DOCK3: variants seen among roughly 807,000 people sequenced by gnomAD.
DOCK3 encodes dedicator of cytokinesis protein 3.
DOCK3 carries 60 observed loss-of-function variants against 265.6 expected under a neutral mutation model. The observed-to-expected ratio is 0.23, with a 90% CI of 0.18 to 0.28. DOCK3 has a LOEUF of 0.28. DOCK3 is among the 10% of genes least tolerant of loss of function. The pLI is 1.00. For missense variants in DOCK3, 1,981 were observed against 2,594.3 expected (o/e 0.76, Z 5.14); for synonymous variants, 881 against 938.0 (o/e 0.94, Z 1.11).
chr3:51,359,684 G>A lies in DOCK3; in HGVS notation c.4885-827G>A, dbSNP rs978511927. Among the ~76,000 whole-genome samples, 2 of 152,192 alleles carry A rather than the reference G, an allele frequency of 1.3e-5. No individual in the cohort carries two copies. The highest frequency in any genetic ancestry group is 1.9e-4 in the East Asian group (1 of 5,200). On this transcript the variant is annotated intron_variant, in intron 46 of 52. Coordinates refer to ENST00000266037, the MANE Select transcript of DOCK3 (RefSeq NM_004947.5). This position sits in a 1 kb window ranked among gnomAD's most constrained non-coding sequence, Gnocchi z 4.8. Reference sequence around the variant, plus strand: ...CAAAACACTTTCCTATATACATCACGTTCTTCCGTGTGCACACATAGCCTT... The same window carrying A: ...CAAAACACTTTCCTATATACATCACATTCTTCCGTGTGCACACATAGCCTT...
intron 52 of DOCK3, 81 bp downstream of exon 52, chr3:51,380,288 G>A: frequency 1.5e-6 from 2 of 1,299,298 alleles, no homozygotes; most frequent in Non-Finnish European, 2.1e-6. Flanking sequence ...GGGGTCTACA[G>A]GAGGAACTGG....
At chr3:50,852,880 T>C (rs2046407123) in intron 3 of DOCK3, among the ~76,000 whole-genome samples, 1 of 152,208 alleles carries the variant, frequency 6.6e-6, no homozygotes, top group African/African-American at 2.4e-5. Context: ...CTCCTGGCTT[T>C]ACAGTATTTC....
At chr3:50,681,135 G>T (rs185035579) in intron 1 of DOCK3, among the ~76,000 whole-genome samples, 2 of 152,060 alleles carry the variant, frequency 1.3e-5, no homozygotes, top group African/African-American at 2.4e-5. Flanking sequence ...AGTCTATTCA[G>T]TAGACTTCAG....
intron 41 of DOCK3, among the ~76,000 whole-genome samples, chr3:51,355,794 T>C (rs1057000009): frequency 2.0e-5 from 3 of 152,208 alleles, no homozygotes; most frequent in African/African-American, 7.2e-5. Context: ...TGCATTCCCC[T>C]CTTTCCCTTT....
chr3:50,723,342 A>G (rs564167637), intron 1 of DOCK3, among the ~76,000 whole-genome samples: 13 of 152,288 alleles, frequency 8.5e-5, no homozygotes, highest in African/African-American at 3.1e-4. Flanking sequence ...CTGAAAGAAG[A>G]GTAGACGGAA....
At chr3:51,355,776 T>G (rs1198821232) in intron 41 of DOCK3, among the ~76,000 whole-genome samples, 2 of 152,026 alleles carry the variant, frequency 1.3e-5, no homozygotes, top group Non-Finnish European at 2.9e-5. Flanking sequence ...TCCCATGGGG[T>G]GGATGCCTGC....
At chr3:50,695,609 A>G (rs2035564351) in intron 1 of DOCK3, among the ~76,000 whole-genome samples, 1 of 152,188 alleles carries the variant, frequency 6.6e-6, no homozygotes, top group African/African-American at 2.4e-5. Context: ...AAATTTGCTC[A>G]AAGAGACTCA....
intron 4 of DOCK3, among the ~76,000 whole-genome samples, chr3:50,911,338 G>A (rs2049842274): frequency 1.3e-5 from 2 of 151,974 alleles, no homozygotes. Context: ...TTTTGTATGT[G>A]GTGAGAAATG....
intron 4 of DOCK3, among the ~76,000 whole-genome samples, chr3:50,900,364 T>G (rs2049122433): frequency 6.6e-6 from 1 of 152,170 alleles, no homozygotes; most frequent in African/African-American, 2.4e-5. Flanking sequence ...GTTATGCTGG[T>G]TAGCAATTCT....
intron 49 of DOCK3, among the ~76,000 whole-genome samples, chr3:51,369,861 C>T (rs975527075): frequency 1.1e-4 from 16 of 152,180 alleles, no homozygotes; most frequent in African/African-American, 3.6e-4. Context: ...GAATTAAGGC[C>T]ACCTAGCCAG....
At chr3:50,684,674 A>G (rs544989615) in intron 1 of DOCK3, among the ~76,000 whole-genome samples, 77 of 152,338 alleles carry the variant, frequency 5.1e-4, no homozygotes, top group African/African-American at 1.7e-3. Context: ...TATCCCGACA[A>G]TACTTCTTTT....
At chr3:50,974,416 T>C (rs1222407823) in intron 5 of DOCK3, among the ~76,000 whole-genome samples, 2 of 152,080 alleles carry the variant, frequency 1.3e-5, no homozygotes, top group Admixed American at 6.6e-5. Flanking sequence ...CCATTGCTTG[T>C]TTTTCTCTGG....
At chr3:50,928,229 A>G (rs67843425) in intron 4 of DOCK3, among the ~76,000 whole-genome samples, 14,211 of 151,552 alleles carry the variant, frequency 0.094, 823 homozygotes, top group Non-Finnish European at 0.12. Flanking sequence ...TTGTGCAGCC[A>G]TCATCACAAT....
chr3:51,151,859 G>A (rs895425022), intron 10 of DOCK3, among the ~76,000 whole-genome samples: 2 of 152,168 alleles, frequency 1.3e-5, no homozygotes, highest in African/African-American at 4.8e-5. Context: ...TCTGCCAATA[G>A]ATCCACTGTT....
At chr3:51,200,137 T>G (rs1413812989) in intron 12 of DOCK3, among the ~76,000 whole-genome samples, 1 of 152,024 alleles carries the variant, frequency 6.6e-6, no homozygotes, top group Non-Finnish European at 1.5e-5. Flanking sequence ...CCTCTCCTCC[T>G]TCAAAGGATC....
chr3:51,197,941 C>T (rs2088424209), intron 12 of DOCK3, among the ~76,000 whole-genome samples: 1 of 152,228 alleles, frequency 6.6e-6, no homozygotes, highest in South Asian at 2.1e-4. Flanking sequence ...AATTTTACCC[C>T]ACTTGCATCC....
At chr3:50,784,674 C>G (rs1204362374) in intron 2 of DOCK3, among the ~76,000 whole-genome samples, 3 of 152,212 alleles carry the variant, frequency 2.0e-5, no homozygotes, top group Non-Finnish European at 4.4e-5. Flanking sequence ...TTTGTGTCAT[C>G]TATGTTTTCT....
chr3:51,049,830 C>A (rs1343104581), intron 5 of DOCK3, among the ~76,000 whole-genome samples: 121 of 94,108 alleles, frequency 1.3e-3, no homozygotes, highest in African/African-American at 4.2e-3. Context: ...CACACACACC[C>A]CAAAAAAACA....
chr3:51,371,446 T>A, intron 49 of DOCK3, among the ~76,000 whole-genome samples: 1 of 152,168 alleles, frequency 6.6e-6, no homozygotes, highest in East Asian at 1.9e-4. Flanking sequence ...AAGGTGCAGG[T>A]CCTACATCTA....
Sources: allele counts gnomAD v4.1 joint callset (sites outside exome capture counted in the v4.1 genomes callset), GRCh38; gene constraint gnomAD v4.1.1; non-coding constraint Gnocchi (gnomAD v3.1); transcripts MANE v1.5; gene names NCBI Gene and HGNC (gene_info 2026-07-23, HGNC 2026-07-21).